The following DRC7 variants were observed in gnomAD, a reference collection of about 807,000 sequenced individuals.
DRC7 encodes dynein regulatory complex subunit 7.
Under a neutral mutation model 104.4 loss-of-function variants are expected in DRC7, and 80 were observed. The ratio of observed to expected loss-of-function variants is 0.77; its 90% CI spans 0.64 to 0.92. DRC7 has a LOEUF of 0.92. Among genes scored for constraint, DRC7 ranks in the 40% least tolerant of loss-of-function variants. The pLI, the probability that DRC7 is intolerant of heterozygous loss-of-function variation, is 0.00. For synonymous variants in DRC7, 405 were observed against 447.3 expected (o/e 0.91, Z 1.19); for missense variants, 1,034 against 1,141.1 (o/e 0.91, Z 1.35).
At position 57,726,280 on chromosome 16, in the gene DRC7, C is replaced by T. The variant is rs1330753166; in HGVS notation, c.1971C>T (p.Phe657=). Residue 657 remains phenylalanine, a synonymous_variant, in exon 14 of 19, where the codon TTC becomes TTT. Coordinates refer to ENST00000360716, the MANE Select transcript of DRC7 (RefSeq NM_001289162.2). ...IIMTPDMCIS[F]EVEPMEHTKK... The stretch of plus-strand genomic sequence containing the variant: ...TGACGCCCGACATGTGCATCAGCTT[C>T]GAGGTGGGCCTGGGGGCCACGGCGG... The T allele has an allele frequency of 1.2e-6, 2 of 1,608,560 alleles. No homozygotes were observed. Among genetic ancestry groups the T allele is most frequent in the Admixed American group, 1.7e-5 (1 of 59,972 alleles).
In DRC7 at chr16:57,726,281, G is replaced by A. The variant is rs758434599; in HGVS notation, c.1972G>A (p.Glu658Lys). The change falls in exon 14 of 19, where the codon GAG becomes AAG. Residue 658 changes from glutamate to lysine, a missense_variant and splice_region_variant. Glu to Lys is a moderately conservative substitution (Grantham distance 56). Transcript: ENST00000360716. ...IMTPDMCISF[E>K]VEPMEHTKKL... ...GACGCCCGACATGTGCATCAGCTTCGAGGTGGGCCTGGGGGCCACGGCGGG... is the reference window on the plus strand; with the variant it reads ...GACGCCCGACATGTGCATCAGCTTCAAGGTGGGCCTGGGGGCCACGGCGGG... The A allele has an allele frequency of 2.6e-5, 42 of 1,608,472 alleles. No homozygotes were observed. Among genetic ancestry groups the A allele is most frequent in the Admixed American group, 1.3e-4 (8 of 59,946 alleles).
At chr16:57,728,758 TCG>T (rs2049005071) in intron 17 of DRC7, among the ~76,000 whole-genome samples, 174 bp downstream of exon 17, 1 of 139,382 alleles carries the variant, frequency 7.2e-6, no homozygotes, top group African/African-American at 2.7e-5. Context: ...CACTTGTTTA[TCG>T]GATAGATGAA....
At chr16:57,695,193 G>T (rs186076196) in intron 1 of DRC7, among the ~76,000 whole-genome samples, 2 of 121,698 alleles carry the variant, frequency 1.6e-5, no homozygotes, top group African/African-American at 5.1e-5. Context: ...GGACTGACAC[G>T]TCGGCTTCCT....
In DRC7 at chr16:57,716,030, T is replaced by C. The variant is rs546850764; in HGVS notation, c.1078-2317T>C. Among the ~76,000 whole-genome samples the C allele has an allele frequency of 2.0e-5, 3 of 152,346 alleles. No individual in the cohort carries two copies. The South Asian group carries it at 6.2e-4, about 32-fold the overall frequency. The stretch of plus-strand genomic sequence containing the variant: ...GAAATAGCGAGGGGTTGGAGGAGGA[T>C]GGCAAGGCATCCACAGAGTGACTGC... On this transcript the variant is annotated intron_variant, in intron 8 of 18. Coordinates refer to ENST00000360716, the MANE Select transcript of DRC7 (RefSeq NM_001289162.2).
chr16:57,718,368 G>A lies in DRC7; in HGVS notation c.1099G>A (p.Asp367Asn), dbSNP rs1186625941. ...CCKDLIFDLG[D>N]PVRWEYMLLG... ...ACAGGACTTGATCTTTGACCTGGGT[G>A]ACCCTGTGAGATGGGAGTACATGCT... is the stretch of plus-strand genomic sequence containing the variant. Residue 367 changes from aspartate to asparagine, a missense_variant, in exon 9 of 19, where the codon GAC (aspartate) becomes AAC (asparagine). By Grantham distance (23) the Asp-to-Asn change is conservative (BLOSUM62 1). Transcript: ENST00000360716. The A allele has an allele frequency of 6.2e-7, 1 of 1,614,098 alleles. No homozygotes were observed. Among genetic ancestry groups the A allele is most frequent in the East Asian group, 2.2e-5 (1 of 44,874 alleles).
intron 8 of DRC7, among the ~76,000 whole-genome samples, chr16:57,716,520 G>T (rs2048845841): frequency 6.9e-6 from 1 of 145,118 alleles, no homozygotes. Flanking sequence ...AAAAAAAAGA[G>T]TGAAAAAAGG....
intron 16 of DRC7, among the ~76,000 whole-genome samples, chr16:57,728,078 C>T (rs993058029): frequency 6.6e-6 from 1 of 152,264 alleles, no homozygotes; most frequent in East Asian, 1.9e-4. Flanking sequence ...TAAGCATCTA[C>T]TATGGATTGT....
intron 13 of DRC7, chr16:57,725,791 G>C: frequency 2.2e-6 from 1 of 455,504 alleles, no homozygotes; most frequent in Non-Finnish European, 4.0e-6. Context: ...GGAGTAGGCT[G>C]CCTGGAGAGG....
At chr16:57,722,069 G>T (rs1376952939) in intron 10 of DRC7, among the ~76,000 whole-genome samples, 1 of 152,242 alleles carries the variant, frequency 6.6e-6, no homozygotes, top group Admixed American at 6.5e-5. Context: ...GAGGCCATGG[G>T]CAGTGCCCAG....
chr16:57,715,437 G>A (rs559418045), intron 8 of DRC7, among the ~76,000 whole-genome samples: 1 of 152,306 alleles, frequency 6.6e-6, no homozygotes, highest in African/African-American at 2.4e-5. Flanking sequence ...CCCTGCGGGA[G>A]ACAGGCAGAC....
rs199914520 is a variant in DRC7, at chr16:57,707,655, C to T, written c.1054C>T (p.Gln352Ter). ...CCACAAGAACTACTGGATCAACATG[C>T]AGGATTGCTGGAACTGCTGCAAGGT... ...WNHKNYWINM[Q>*]DCWNCCKDLI... Residue 352 changes from glutamine to a stop codon, truncating the protein, a stop_gained, in exon 8 of 19, where the codon CAG becomes TAG. Transcript: ENST00000360716. LOFTEE classifies it high-confidence loss of function. The T allele has an allele frequency of 6.2e-7, 1 of 1,613,354 alleles. No homozygotes were observed. The highest frequency in any genetic ancestry group is 8.5e-7 in the Non-Finnish European group (1 of 1,179,958).
At chr16:57,714,536 C>T (rs748969292) in intron 8 of DRC7, among the ~76,000 whole-genome samples, 4 of 151,898 alleles carry the variant, frequency 2.6e-5, no homozygotes, top group African/African-American at 4.8e-5. Context: ...TGAGGTGGGA[C>T]GATTGCTTGA....
chr16:57,719,404 C>T (rs1431010199), intron 9 of DRC7, among the ~76,000 whole-genome samples: 4 of 152,168 alleles, frequency 2.6e-5, no homozygotes, highest in African/African-American at 7.2e-5. Flanking sequence ...TCCTTCTGAG[C>T]CCCCTGTCCT....
intron 3 of DRC7, among the ~76,000 whole-genome samples, 159 bp downstream of exon 3, chr16:57,698,311 T>C (rs1433825375): frequency 1.3e-5 from 2 of 151,890 alleles, no homozygotes; most frequent in African/African-American, 4.8e-5. Context: ...CTGGGCCGAG[T>C]GTCCATGCTC....
chr16:57,727,392 G>A lies in DRC7; in HGVS notation c.2179G>A (p.Glu727Lys). The change falls in exon 16 of 19, where the codon GAA (glutamate) becomes AAA (lysine). Residue 727 changes from glutamate (E) to lysine (K), a missense_variant. Coordinates refer to ENST00000360716, the MANE Select transcript of DRC7 (RefSeq NM_001289162.2). ...CACCAAGCGGAATGAGAAGAGCAAG[G>A]AATATCGGGAGGCCATGGTCAGTCC... ...YDTKRNEKSK[E>K]YREAMERMMH... The A allele has an allele frequency of 6.2e-7, 1 of 1,613,080 alleles. No individual in the cohort carries two copies. The highest frequency in any genetic ancestry group is 8.5e-7 in the Non-Finnish European group (1 of 1,179,606).
At chr16:57,717,656 G>A (rs1356390136) in intron 8 of DRC7, among the ~76,000 whole-genome samples, 4 of 150,682 alleles carry the variant, frequency 2.7e-5, no homozygotes, top group South Asian at 2.1e-4. Context: ...CCGAGATCAC[G>A]CCACTGCACT....
intron 16 of DRC7, 99 bp downstream of exon 16, chr16:57,727,508 T>C: frequency 4.8e-6 from 4 of 827,192 alleles, no homozygotes; most frequent in African/African-American, 1.7e-5. Flanking sequence ...AAACCCTCTG[T>C]GGGGGATACG....
intron 8 of DRC7, chr16:57,707,974 T>C: frequency 4.4e-6 from 2 of 449,808 alleles, no homozygotes; most frequent in Non-Finnish European, 8.3e-6. Flanking sequence ...ACTCATCCCA[T>C]GCATACATAC....
Position 57,726,190 on chromosome 16 carries a change from C to G in DRC7, c.1881C>G (p.Ile627Met). ...QLRYHCREDH[I>M]TASKREFLRR... ...GCTACCACTGCCGTGAGGACCACAT[C>G]ACGGCCTCCAAGCGCGAGTTCCTGC... The change falls in exon 14 of 19, where the codon ATC becomes ATG. Residue 627 changes from isoleucine to methionine, a missense_variant. By Grantham distance (10) the Ile-to-Met change is conservative. Transcript: ENST00000360716. 1 of 1,613,244 alleles carries G rather than the reference C, an allele frequency of 6.2e-7. No individual in the cohort carries two copies. Among genetic ancestry groups the G allele is most frequent in the Non-Finnish European group, 8.5e-7 (1 of 1,180,012 alleles).
Sources: gnomAD v4.1 joint callset for allele counts (sites outside exome capture counted in the v4.1 genomes callset) on GRCh38, gnomAD v4.1.1 for gene constraint, MANE v1.5 for transcripts, NCBI Gene and HGNC (gene_info 2026-07-23, HGNC 2026-07-21) for gene names.